UIMC1: variants seen among roughly 807,000 people sequenced by gnomAD.
UIMC1 encodes the protein ubiquitin interaction motif containing 1.
UIMC1 carries 42 observed loss-of-function variants against 84.9 expected under a neutral mutation model. That is an observed-to-expected ratio of 0.49 (90% CI 0.39 to 0.64). The LOEUF (loss-of-function observed/expected upper bound fraction) is 0.64, where lower values mean the gene tolerates loss of function less well. UIMC1 is among the 30% of genes least tolerant of loss of function. The probability of loss-of-function intolerance (pLI) is 0.00; values close to 1 mark genes in which losing one functional copy is unlikely to be tolerated. For missense variants in UIMC1, 825 were observed against 847.6 expected (o/e 0.97, Z 0.33); for synonymous variants, 281 against 293.0 (o/e 0.96, Z 0.42).
chr5:177,009,419 T>G (rs1775496358), upstream of UIMC1, among the ~76,000 whole-genome samples: 1 of 151,984 alleles, frequency 6.6e-6, no homozygotes, highest in Non-Finnish European at 1.5e-5. The surrounding 1 kb of genome is among the most constrained non-coding windows in gnomAD (Gnocchi z 4.3). Flanking sequence ...GTTAGGACCC[T>G]AATCATATAT....
At chr5:176,990,042 G>C (rs113116678) in intron 1 of UIMC1, among the ~76,000 whole-genome samples, 1 of 152,064 alleles carries the variant, frequency 6.6e-6, no homozygotes, top group Non-Finnish European at 1.5e-5. Context: ...TTAGCCAGGC[G>C]TGGTGGCGGG....
chr5:176,968,631 T>C lies in UIMC1; in HGVS notation c.1124A>G (p.Asp375Gly). 1 of 1,613,878 alleles carries C rather than the reference T, an allele frequency of 6.2e-7. No individual in the cohort carries two copies. Residue 375 changes from aspartate (D) to glycine (G), a missense_variant, in exon 6 of 15, where the codon GAT becomes GGT. Asp to Gly is a moderately conservative substitution (Grantham distance 94). Coordinates refer to ENST00000511320, the MANE Select transcript of UIMC1 (RefSeq NM_001199298.2). ...RASDWHSKTK[D>G]FQESSIKSLK... is the part of the protein sequence containing the mutation. ...GCTTTTAATTGAGCTTTCCTGGAAATCCTTGGTTTTTGAGTGCCAGTCAGA... is the reference window on the plus strand; with the variant it reads ...GCTTTTAATTGAGCTTTCCTGGAAACCCTTGGTTTTTGAGTGCCAGTCAGA...
rs1055561304 is a variant in UIMC1 at position 176,943,429 on chromosome 5, G to A, written c.1503C>T (p.Asn501=). The change falls in exon 10 of 15, where the codon AAC becomes AAT. Residue 501 remains asparagine (N), a synonymous_variant. Coordinates refer to ENST00000511320, the MANE Select transcript of UIMC1 (RefSeq NM_001199298.2). ...EVAISTFSSS[N]QVSCPLCDQC... is the part of the protein sequence containing the mutation. ...GGTCACATAGCGGGCAGGATACCTGGTTACTGGATGAGAAGGTAGAAATAG... is the reference window on the plus strand; with the variant it reads ...GGTCACATAGCGGGCAGGATACCTGATTACTGGATGAGAAGGTAGAAATAG... The A allele has an allele frequency of 3.7e-6, 6 of 1,614,162 alleles. No individual in the cohort carries two copies. The highest frequency in any genetic ancestry group is 5.1e-6 in the Non-Finnish European group (6 of 1,180,024).
At position 176,969,650 on chromosome 5, in the gene UIMC1, C is replaced by T. The variant is rs148796674; in HGVS notation, c.414G>A (p.Pro138=). ...TTTTCTCTTGATGGGACTGGGAAGA[C>T]GGTCCAGTGGCCAGAGGTCGAGATC... ...ATRSRPLATG[P]SSQSHQEKTT... Residue 138 remains proline (P), a synonymous_variant, in exon 5 of 15, where the codon CCG becomes CCA. Coordinates refer to ENST00000511320, the MANE Select transcript of UIMC1 (RefSeq NM_001199298.2). 2,158 of 1,614,046 alleles carry T rather than the reference C, an allele frequency of 1.3e-3. 1 individual carries two copies. The highest frequency in any genetic ancestry group is 1.6e-3 in the Non-Finnish European group (1,935 of 1,180,004).
At chr5:176,959,238 T>C (rs546506786) in intron 6 of UIMC1, among the ~76,000 whole-genome samples, 3 of 152,282 alleles carry the variant, frequency 2.0e-5, no homozygotes, top group South Asian at 2.1e-4. Context: ...AAGGTTTTTA[T>C]TGAACTCTCA....
intron 9 of UIMC1, among the ~76,000 whole-genome samples, chr5:176,945,205 G>A (rs1195785614): frequency 6.6e-6 from 1 of 152,214 alleles, no homozygotes; most frequent in African/African-American, 2.4e-5. Flanking sequence ...GGAAAGTCAA[G>A]TGGGTCTGGA....
intron 1 of UIMC1, among the ~76,000 whole-genome samples, chr5:176,992,134 T>C (rs1039364265): frequency 6.6e-6 from 1 of 152,016 alleles, no homozygotes; most frequent in African/African-American, 2.4e-5. Flanking sequence ...AAAGAAGAGA[T>C]AGATTAATAC....
In UIMC1 at chr5:176,968,974, G is replaced by C. The variant is rs746281408; in HGVS notation, c.781C>G (p.Leu261Val). Reference protein sequence around the residue: ...GDTSRHCLPTLADAKGLQDTG... With the variant: ...GDTSRHCLPTVADAKGLQDTG... ...TCCTGGAGACCTTTGGCATCTGCTA[G>C]GGTAGGTAGACAGTGCCTAGATGTG... The change falls in exon 6 of 15, where the codon CTA becomes GTA. Residue 261 changes from leucine to valine, a missense_variant. Physicochemically the swap from Leu to Val is conservative, Grantham distance 32. Coordinates refer to ENST00000511320, the MANE Select transcript of UIMC1 (RefSeq NM_001199298.2). 7 of 1,614,182 alleles carry C rather than the reference G, an allele frequency of 4.3e-6. No homozygotes were observed. Among genetic ancestry groups the C allele is most frequent in the Non-Finnish European group, 5.9e-6 (7 of 1,180,028 alleles).
At chr5:176,923,700 C>T (rs1024575985) in intron 10 of UIMC1, among the ~76,000 whole-genome samples, 1 of 151,578 alleles carries the variant, frequency 6.6e-6, no homozygotes, top group Non-Finnish European at 1.5e-5. Flanking sequence ...TCTGTCTCTA[C>T]TAAAAATATG....
chr5:176,937,097 A>G (rs1185255237), intron 10 of UIMC1, among the ~76,000 whole-genome samples: 6 of 152,236 alleles, frequency 3.9e-5, no homozygotes, highest in Non-Finnish European at 4.4e-5. Context: ...GTCTAACACA[A>G]TTGGCCTTAG....
At chr5:176,981,129 C>G (rs553408145) in intron 2 of UIMC1, among the ~76,000 whole-genome samples, 1 of 147,826 alleles carries the variant, frequency 6.8e-6, no homozygotes, top group Non-Finnish European at 1.5e-5. Flanking sequence ...CTATAAGGAA[C>G]TTTTTGTTTT....
rs1364308153 is a variant in UIMC1 at position 176,905,325 on chromosome 5, C to T, written c.2117G>A (p.Arg706Gln). The T allele has an allele frequency of 6.8e-6, 11 of 1,613,906 alleles. No individual in the cohort carries two copies. Among genetic ancestry groups the T allele is most frequent in the Admixed American group, 1.7e-5 (1 of 59,978 alleles). ...TCCTCTGCCAGCTTTGGTCCGTGTC[C>T]GACTACCTGGCTGGACAGTAACTTG... ...KKQVTVQPGS[R>Q]TRTKAGRGRR... Residue 706 changes from arginine to glutamine, a missense_variant, in exon 15 of 15, where the codon CGG becomes CAG. Physicochemically the swap from Arg to Gln is conservative, Grantham distance 43 (BLOSUM62 1). Transcript: ENST00000511320.
chr5:176,954,641 A>C (rs531212615), intron 8 of UIMC1, among the ~76,000 whole-genome samples: 1 of 151,640 alleles, frequency 6.6e-6, no homozygotes, highest in East Asian at 1.9e-4. Context: ...AGTCCTAGCT[A>C]CTCGGGAGGC....
intron 1 of UIMC1, among the ~76,000 whole-genome samples, chr5:176,994,098 T>C (rs1773260757): frequency 1.3e-5 from 2 of 151,500 alleles, no homozygotes; most frequent in Admixed American, 6.6e-5. Flanking sequence ...AGCATAAACA[T>C]GCTTATTAAA....
At chr5:176,964,678 T>C (rs1050168785) in intron 6 of UIMC1, among the ~76,000 whole-genome samples, 2 of 152,114 alleles carry the variant, frequency 1.3e-5, no homozygotes, top group Non-Finnish European at 2.9e-5. Context: ...ATACAAAAAA[T>C]AGGTAATATT....
upstream of UIMC1, among the ~76,000 whole-genome samples, chr5:177,008,116 AAAG>A (rs1475039747): frequency 5.3e-5 from 8 of 151,906 alleles, no homozygotes; most frequent in Non-Finnish European, 7.4e-5. Flanking sequence ...AAAAAAAAAA[AAAG>A]AGAGAGAGAG....
chr5:176,924,046 G>A (rs555430171), intron 10 of UIMC1, among the ~76,000 whole-genome samples: 45 of 152,010 alleles, frequency 3.0e-4, no homozygotes, highest in African/African-American at 9.2e-4. Context: ...GGCCGGGCAC[G>A]GTGGCTCACG....
At chr5:176,934,806 GA>G (rs971288706) in intron 10 of UIMC1, among the ~76,000 whole-genome samples, 15 of 151,562 alleles carry the variant, frequency 9.9e-5, no homozygotes, top group Middle Eastern at 3.4e-3. Context: ...TGGTCTGAGG[GA>G]AAAAAAAATT....
upstream of UIMC1, among the ~76,000 whole-genome samples, chr5:177,009,050 G>A (rs927075162): frequency 4.0e-5 from 6 of 151,040 alleles, no homozygotes; most frequent in African/African-American, 1.5e-4. This position sits in a 1 kb window ranked among gnomAD's most constrained non-coding sequence, Gnocchi z 4.3. Context: ...TCTGTCACCC[G>A]TACTGGAGTG....
Sources: allele counts gnomAD v4.1 joint callset (sites outside exome capture counted in the v4.1 genomes callset), GRCh38; gene constraint gnomAD v4.1.1; non-coding constraint Gnocchi (gnomAD v3.1); transcripts MANE v1.5; gene names NCBI Gene and HGNC (gene_info 2026-07-23, HGNC 2026-07-21).